SVIL: variants seen among roughly 807,000 people sequenced by gnomAD.
SVIL encodes supervillin, also known as archvillin.
Under a neutral mutation model 240.4 loss-of-function variants are expected in SVIL, and 101 were observed. That is an observed-to-expected ratio of 0.42 (90% CI 0.36 to 0.50). The LOEUF (loss-of-function observed/expected upper bound fraction) is 0.50. SVIL is among the 20% of genes least tolerant of loss of function. The pLI, the probability that SVIL is intolerant of heterozygous loss-of-function variation, is 0.01. For missense variants in SVIL, 2,512 were observed against 2,818.7 expected (o/e 0.89, Z 2.46); for synonymous variants, 999 against 1,100.0 (o/e 0.91, Z 1.82).
In SVIL at chr10:29,550,869, A is replaced by G. The variant is rs17834991; in HGVS notation, c.555T>C (p.Tyr185=). The G allele has an allele frequency of 0.2, 326,672 of 1,613,826 alleles. 34,305 individuals carry two copies. The highest frequency in any genetic ancestry group is 0.28 in the Admixed American group (16,997 of 59,986). ...LRTCAGESKD[Y]ALHVGDGSSD... ...AAGAGCCGTCACCCACATGGAGGGC[A>G]TAGTCCTTGGATTCACCGGCACAGG... The change falls in exon 6 of 38, where the codon TAT becomes TAC. Residue 185 remains tyrosine (Y), a synonymous_variant. Transcript: ENST00000355867.
intron 1 of SVIL, among the ~76,000 whole-genome samples, chr10:29,728,120 C>G (rs1311275435): frequency 6.6e-6 from 1 of 152,074 alleles, no homozygotes; most frequent in African/African-American, 2.4e-5. Context: ...CTTAATATGA[C>G]CAATCATTCA....
chr10:29,689,274 G>A lies in SVIL; in HGVS notation c.-399-2623C>T, dbSNP rs186621434. Among the ~76,000 whole-genome samples, 687 of 152,152 alleles carry A rather than the reference G, an allele frequency of 4.5e-3. 6 individuals are homozygous for A. The highest frequency in any genetic ancestry group is 0.016 in the African/African-American group (654 of 41,526). ...GAACTGGTATCTCCCCGACTCATGA[G>A]TCTCTTTTCTTTGTTTTCTTTTTTT... On this transcript the variant is annotated intron_variant, in intron 1 of 35. Transcript: ENST00000375400.
At chr10:29,504,586 A>T (rs1295018130) in intron 17 of SVIL, among the ~76,000 whole-genome samples, 1 of 152,254 alleles carries the variant, frequency 6.6e-6, no homozygotes, top group African/African-American at 2.4e-5. Context: ...GCACATGGAA[A>T]TATGCTCAAC....
chr10:29,726,816 CA>C (rs947444267), intron 1 of SVIL, among the ~76,000 whole-genome samples: 1 of 152,130 alleles, frequency 6.6e-6, no homozygotes, highest in African/African-American at 2.4e-5. Context: ...CAGGGCCTGG[CA>C]AACAGTGGAC....
At chr10:29,545,641 G>A (rs1348648946) in intron 6 of SVIL, among the ~76,000 whole-genome samples, 2 of 151,992 alleles carry the variant, frequency 1.3e-5, no homozygotes, top group East Asian at 1.9e-4. Context: ...CGTATCATGA[G>A]GTCAAGGGAT....
At chr10:29,676,393 T>TGC (rs1554892440) in intron 2 of SVIL, among the ~76,000 whole-genome samples, 1 of 152,066 alleles carries the variant, frequency 6.6e-6, no homozygotes, top group African/African-American at 2.4e-5. Context: ...TGTGTGTGTG[T>TGC]GCGCACACGC....
At chr10:29,522,678 A>C (rs1486546185) in intron 15 of SVIL, 43 bp from the exon 16 acceptor site, 8 of 1,590,978 alleles carry the variant, frequency 5.0e-6, no homozygotes, top group African/African-American at 2.7e-5. Flanking sequence ...CTCCTCAGGC[A>C]AACATTCTTC....
At chr10:29,591,110 T>C (rs866157067) in intron 1 of SVIL, among the ~76,000 whole-genome samples, 2 of 152,284 alleles carry the variant, frequency 1.3e-5, no homozygotes, top group African/African-American at 2.4e-5. Flanking sequence ...CACAAACTTA[T>C]GTTCTAGTAA....
At chr10:29,694,876 C>T (rs981722725) in intron 1 of SVIL, among the ~76,000 whole-genome samples, 1 of 152,120 alleles carries the variant, frequency 6.6e-6, no homozygotes, top group Non-Finnish European at 1.5e-5. Flanking sequence ...CTAAACAGCC[C>T]GAGGGACAGA....
intron 30 of SVIL, among the ~76,000 whole-genome samples, chr10:29,472,077 C>G (rs1452923489): frequency 6.6e-6 from 1 of 151,994 alleles, no homozygotes; most frequent in African/African-American, 2.4e-5. Context: ...CCACTGCACT[C>G]CAGCCTGGGT....
chr10:29,653,773 C>T (rs141581745), intron 3 of SVIL, among the ~76,000 whole-genome samples: 2 of 152,150 alleles, frequency 1.3e-5, no homozygotes, highest in East Asian at 3.9e-4. Flanking sequence ...TACAGTTTCC[C>T]CAGTACAATT....
At chr10:29,563,746 C>T (rs1954717997) in intron 2 of SVIL, among the ~76,000 whole-genome samples, 1 of 152,096 alleles carries the variant, frequency 6.6e-6, no homozygotes, top group Admixed American at 6.6e-5. Flanking sequence ...TTCAAACAAC[C>T]AAGGCATCAA....
chr10:29,505,586 T>C (rs1304961604), intron 17 of SVIL, among the ~76,000 whole-genome samples: 2 of 152,098 alleles, frequency 1.3e-5, no homozygotes, highest in Admixed American at 1.3e-4. Context: ...TTCTGTATGA[T>C]AGTGTAACGG....
chr10:29,493,545 CCTTA>C (rs1257714912), intron 20 of SVIL, among the ~76,000 whole-genome samples, 154 bp from the exon 21 acceptor site: 2 of 152,224 alleles, frequency 1.3e-5, no homozygotes, highest in South Asian at 2.1e-4. Context: ...CTTCCCAGGC[CCTTA>C]CTTAATCTCT....
At chr10:29,516,847 G>T (rs1950235558) in intron 16 of SVIL, among the ~76,000 whole-genome samples, 1 of 152,204 alleles carries the variant, frequency 6.6e-6, no homozygotes, top group African/African-American at 2.4e-5. Context: ...AACCCTGCTT[G>T]TTGAGAACAA....
intron 1 of SVIL, among the ~76,000 whole-genome samples, chr10:29,687,082 G>C (rs772779515): frequency 1.3e-5 from 2 of 152,194 alleles, no homozygotes; most frequent in Non-Finnish European, 2.9e-5. Flanking sequence ...AGAGGAGAAG[G>C]CCTCAGGACT....
chr10:29,469,609 A>G (rs1945323312), intron 32 of SVIL, among the ~76,000 whole-genome samples: 1 of 152,208 alleles, frequency 6.6e-6, no homozygotes, highest in Non-Finnish European at 1.5e-5. Context: ...GCCGGCCACC[A>G]CAGCGTCCTC....
chr10:29,589,160 A>T (rs1287337032), intron 1 of SVIL, among the ~76,000 whole-genome samples: 1 of 152,184 alleles, frequency 6.6e-6, no homozygotes, highest in East Asian at 1.9e-4. Flanking sequence ...GATGTGAGAC[A>T]CTCGACACCA....
At chr10:29,553,005 G>A (rs61846624) in intron 5 of SVIL, among the ~76,000 whole-genome samples, 45,386 of 151,778 alleles carry the variant, frequency 0.3, 7,079 homozygotes, top group African/African-American at 0.39. Context: ...TTTTTAAGAG[G>A]TGGAGTCTGG....
Sources: gnomAD v4.1 joint callset for allele counts (sites outside exome capture counted in the v4.1 genomes callset) on GRCh38, gnomAD v4.1.1 for gene constraint, MANE v1.5 for transcripts, NCBI Gene and HGNC (gene_info 2026-07-23, HGNC 2026-07-21) for gene names.